PACSIN2: variants seen among roughly 807,000 people sequenced by gnomAD.
PACSIN2 encodes the protein protein kinase C and casein kinase substrate in neurons protein 2.
A neutral mutation model predicts 63.8 loss-of-function variants in PACSIN2; 25 were observed. The observed-to-expected ratio is 0.39, with a 90% CI of 0.29 to 0.55. The LOEUF (loss-of-function observed/expected upper bound fraction) is 0.55, where lower values mean the gene tolerates loss of function less well. Ranked by LOEUF, PACSIN2 falls within the 20% of genes least tolerant of loss-of-function variation. The pLI is 0.62. For missense variants in PACSIN2, 518 were observed against 646.9 expected, an observed-to-expected ratio of 0.80 and a Z score of 2.16; for synonymous variants, 255 against 256.2, an observed-to-expected ratio of 1.00 and a Z score of 0.05.
intron 1 of PACSIN2, among the ~76,000 whole-genome samples, chr22:42,986,594 G>T (rs1922629074): frequency 6.6e-6 from 1 of 152,076 alleles, no homozygotes; most frequent in African/African-American, 2.4e-5. Flanking sequence ...ACACTCTAAT[G>T]GGGGGTGAAG....
intron 1 of PACSIN2, among the ~76,000 whole-genome samples, chr22:42,937,746 A>G (rs1319381944): frequency 6.6e-6 from 1 of 152,200 alleles, no homozygotes; most frequent in East Asian, 1.9e-4. Context: ...GAGCAGGGAC[A>G]CTGGCTCCCA....
intron 1 of PACSIN2, among the ~76,000 whole-genome samples, chr22:42,990,803 A>G (rs576741925): frequency 1.3e-5 from 2 of 150,302 alleles, no homozygotes; most frequent in African/African-American, 4.9e-5. Context: ...GAACATGAAG[A>G]TGTGGAAGAG....
chr22:42,964,221 C>G (rs1379845509), intron 1 of PACSIN2, among the ~76,000 whole-genome samples: 2 of 152,116 alleles, frequency 1.3e-5, no homozygotes, highest in Non-Finnish European at 1.5e-5. Context: ...AGTTGGAGAC[C>G]AGCCTGGCCA....
chr22:42,981,542 C>T (rs1271197807), intron 1 of PACSIN2, among the ~76,000 whole-genome samples: 35 of 102,844 alleles, frequency 3.4e-4, no homozygotes, highest in Middle Eastern at 6.8e-3. Flanking sequence ...GCCCCCCGCC[C>T]GGCCGGCCGC....
At chr22:42,955,270 G>A (rs1483462078) in intron 1 of PACSIN2, among the ~76,000 whole-genome samples, 1 of 151,972 alleles carries the variant, frequency 6.6e-6, no homozygotes, top group Non-Finnish European at 1.5e-5. Context: ...GACCAAGAAG[G>A]TAAACTGAAT....
intron 1 of PACSIN2, among the ~76,000 whole-genome samples, chr22:42,998,784 T>A (rs145527779): frequency 6.6e-6 from 1 of 152,242 alleles, no homozygotes; most frequent in East Asian, 1.9e-4. Context: ...CAGCCCACCA[T>A]GTCCCCCATC....
At chr22:42,916,164 G>T (rs1931791328) in intron 1 of PACSIN2, among the ~76,000 whole-genome samples, 1 of 152,174 alleles carries the variant, frequency 6.6e-6, no homozygotes, top group Admixed American at 6.5e-5. Context: ...GAAGGTCTCA[G>T]TACCCCCAGG....
intron 1 of PACSIN2, among the ~76,000 whole-genome samples, chr22:42,995,735 A>G (rs1419127835): frequency 1.3e-5 from 2 of 152,150 alleles, no homozygotes; most frequent in African/African-American, 2.4e-5. Flanking sequence ...CATTCCACCC[A>G]TGTTTTCCTC....
Position 42,879,083 on chromosome 22 carries a change from C to G in PACSIN2, c.993G>C (p.Gln331His), listed in dbSNP as rs1299266375. The change falls in exon 8 of 11, where the codon CAG becomes CAC. Residue 331 changes from glutamine (Q) to histidine (H), a missense_variant. Gln to His is a conservative substitution (Grantham distance 24). Coordinates refer to ENST00000263246, the MANE Select transcript of PACSIN2 (RefSeq NM_001184970.3). Reference protein sequence around the residue: ...TDGVTLTGINQTGDQSLPSKP... With the variant: ...TDGVTLTGINHTGDQSLPSKP... The stretch of plus-strand genomic sequence containing the variant: ...TACTCGGCAGAGACTGGTCGCCTGT[C>G]TGGTTGATGCCCGTCAGGGTGACGC... The G allele has an allele frequency of 1.4e-5, 22 of 1,614,030 alleles. No homozygotes were observed. Among genetic ancestry groups the G allele is most frequent in the Non-Finnish European group, 1.8e-5 (21 of 1,180,006 alleles).
intron 1 of PACSIN2, among the ~76,000 whole-genome samples, chr22:42,982,019 C>T (rs1474183782): frequency 2.7e-5 from 3 of 110,010 alleles, no homozygotes; most frequent in Non-Finnish European, 1.9e-5. Flanking sequence ...GCCCCCCTTC[C>T]GGCCGGCCGC....
intron 1 of PACSIN2, among the ~76,000 whole-genome samples, chr22:42,929,471 CTCAGTGGATTGTGAAATGT>C (rs1161222798): frequency 6.6e-6 from 1 of 152,210 alleles, no homozygotes; most frequent in Non-Finnish European, 1.5e-5. Flanking sequence ...CAGCACTGGG[CTCAGTGGATTGTGAAATGT>C]TCAGTGGGAG....
intron 1 of PACSIN2, among the ~76,000 whole-genome samples, chr22:42,969,077 T>C (rs1200000406): frequency 1.0e-5 from 1 of 96,884 alleles, no homozygotes; most frequent in Non-Finnish European, 2.0e-5. Flanking sequence ...ATCCACCCTA[T>C]TGGCTCTGAC....
chr22:42,984,017 C>G (rs1290421735), intron 1 of PACSIN2, among the ~76,000 whole-genome samples: 1 of 136,588 alleles, frequency 7.3e-6, no homozygotes, highest in Non-Finnish European at 1.5e-5. Flanking sequence ...GTCACCAAGG[C>G]TGGAGTGCAA....
chr22:42,891,292 T>C, intron 3 of PACSIN2, 110 bp from the exon 4 acceptor site: 2 of 651,400 alleles, frequency 3.1e-6, no homozygotes, highest in Non-Finnish European at 5.3e-6. Context: ...AGGGTTTCCT[T>C]TCAGGGTTTC....
At chr22:42,965,461 A>G (rs1920945275) in intron 1 of PACSIN2, among the ~76,000 whole-genome samples, 1 of 152,220 alleles carries the variant, frequency 6.6e-6, no homozygotes, top group African/African-American at 2.4e-5. Flanking sequence ...AAGGTGAGAA[A>G]ACAGGAGAAA....
At chr22:42,996,916 G>A (rs989326061) in intron 1 of PACSIN2, among the ~76,000 whole-genome samples, 3 of 152,182 alleles carry the variant, frequency 2.0e-5, no homozygotes, top group Non-Finnish European at 4.4e-5. Context: ...GTGTAATCAC[G>A]CAAGGAAAAA....
At chr22:42,994,287 G>T (rs1315113379) in intron 1 of PACSIN2, among the ~76,000 whole-genome samples, 1 of 152,186 alleles carries the variant, frequency 6.6e-6, no homozygotes, top group Non-Finnish European at 1.5e-5. Flanking sequence ...TGCAACTGGG[G>T]CTCCAGGCAT....
intron 2 of PACSIN2, among the ~76,000 whole-genome samples, chr22:42,898,049 G>A (rs548650265): frequency 6.6e-6 from 1 of 152,186 alleles, no homozygotes; most frequent in South Asian, 2.1e-4. Flanking sequence ...GGCTGGCGGG[G>A]GTGGGGACAT....
At chr22:42,912,829 T>G (rs986423291) in intron 1 of PACSIN2, among the ~76,000 whole-genome samples, 3 of 152,202 alleles carry the variant, frequency 2.0e-5, no homozygotes, top group African/African-American at 7.2e-5. Flanking sequence ...GGTAAAAAGG[T>G]GACCCCACCT....
Sources: gnomAD v4.1 joint callset for allele counts (sites outside exome capture counted in the v4.1 genomes callset) on GRCh38, gnomAD v4.1.1 for gene constraint, MANE v1.5 for transcripts, NCBI Gene and HGNC (gene_info 2026-07-23, HGNC 2026-07-21) for gene names.